The following DLC1 variants were observed in gnomAD, a reference collection of about 807,000 sequenced individuals.
DLC1 encodes the protein rho GTPase-activating protein 7.
In DLC1, 54 loss-of-function variants were observed where a neutral mutation model predicts 140.3. That is an observed-to-expected ratio of 0.38 (90% CI 0.31 to 0.48). DLC1 has a LOEUF of 0.48. DLC1 is among the 20% of genes least tolerant of loss of function. The pLI is 0.96. For missense variants in DLC1, 2,536 were observed against 1,907.0 expected (o/e 1.33, Z -6.14); for synonymous variants, 986 against 728.1 (o/e 1.35, Z -5.70).
intron 2 of DLC1, among the ~76,000 whole-genome samples, chr8:13,450,723 A>G (rs7818570): frequency 1.7e-3 from 256 of 152,274 alleles, no homozygotes; most frequent in African/African-American, 5.8e-3. Flanking sequence ...ATAGTTCTCC[A>G]AATCAAATTG....
At chr8:13,544,757 G>A (rs943704035) in intron 1 of DLC1, among the ~76,000 whole-genome samples, 1 of 152,166 alleles carries the variant, frequency 6.6e-6, no homozygotes. Context: ...TTACACAACT[G>A]TCCATTAAAA....
intron 1 of DLC1, among the ~76,000 whole-genome samples, chr8:13,573,735 C>G (rs1430737559): frequency 6.6e-6 from 1 of 152,170 alleles, no homozygotes; most frequent in Non-Finnish European, 1.5e-5. Context: ...TTAAATCCAA[C>G]ATTTGTGCTC....
chr8:13,185,122 C>CTTTTTTTTTTTTTTTTTTTTTTTTT (rs1193667992), intron 5 of DLC1, among the ~76,000 whole-genome samples: 1 of 84,568 alleles, frequency 1.2e-5, no homozygotes, highest in African/African-American at 5.2e-5. Flanking sequence ...GCAACCCCTG[C>CTTTTTTTTTTTTTTTTTTTTTTTTT]TTTTTTTTTT....
chr8:13,391,026 C>G (rs1836734891), intron 4 of DLC1, among the ~76,000 whole-genome samples: 1 of 145,882 alleles, frequency 6.9e-6, no homozygotes, highest in African/African-American at 2.5e-5. Context: ...GCCTGTTTTT[C>G]AAGTTACTCT....
intron 5 of DLC1, among the ~76,000 whole-genome samples, chr8:13,185,295 TG>T (rs1475700717): frequency 0.011 from 1,626 of 144,946 alleles, 27 homozygotes; most frequent in Non-Finnish European, 0.015. Context: ...TTTTTTTGTT[TG>T]TTTGTTTGTT....
intron 1 of DLC1, among the ~76,000 whole-genome samples, chr8:13,535,288 G>A (rs1803240227): frequency 6.6e-6 from 1 of 151,988 alleles, no homozygotes; most frequent in Non-Finnish European, 1.5e-5. Context: ...CAGGAAGGAA[G>A]GCCTCTATGA....
At chr8:13,559,808 C>G (rs1804178013) in intron 1 of DLC1, among the ~76,000 whole-genome samples, 1 of 152,170 alleles carries the variant, frequency 6.6e-6, no homozygotes, top group Non-Finnish European at 1.5e-5. Context: ...TATACATCAT[C>G]TGTGCTATGA....
chr8:13,118,815 G>A (rs1380755645), intron 5 of DLC1, among the ~76,000 whole-genome samples: 1 of 151,936 alleles, frequency 6.6e-6, no homozygotes. Context: ...AAAACTCTGG[G>A]TCTGTAAACA....
At chr8:13,299,992 T>G (rs141651676) in intron 5 of DLC1, among the ~76,000 whole-genome samples, 3 of 152,266 alleles carry the variant, frequency 2.0e-5, no homozygotes, top group Non-Finnish European at 2.9e-5. Flanking sequence ...CATATGTTCA[T>G]TGCAGCACTA....
chr8:13,433,688 TTGTCCTA>T (rs1332312239), intron 2 of DLC1, among the ~76,000 whole-genome samples: 2 of 152,220 alleles, frequency 1.3e-5, no homozygotes, highest in Non-Finnish European at 2.9e-5. Context: ...TCAGGTGTTT[TTGTCCTA>T]TAAATTTTGA....
At chr8:13,249,862 C>G (rs981581337) in intron 5 of DLC1, among the ~76,000 whole-genome samples, 2 of 152,204 alleles carry the variant, frequency 1.3e-5, no homozygotes, top group African/African-American at 4.8e-5. Flanking sequence ...TGACAAGTCT[C>G]CACCCAGGTT....
At chr8:13,406,273 C>G (rs1837558494) in intron 2 of DLC1, among the ~76,000 whole-genome samples, 1 of 150,930 alleles carries the variant, frequency 6.6e-6, no homozygotes, top group Admixed American at 6.6e-5. Context: ...CCACCTCAGC[C>G]TCCTGAAGTG....
Position 13,084,798 on chromosome 8 carries a change from C to T in DLC1, c.*1013G>A, listed in dbSNP as rs1817419911. 2 of 152,176 alleles carry T rather than the reference C, an allele frequency of 1.3e-5. No individual in the cohort carries two copies. The highest frequency in any genetic ancestry group is 2.9e-5 in the Non-Finnish European group (2 of 68,028). The allele number at this position is 152,176 out of a possible 1,614,324, so 9.4% of individuals were successfully genotyped here. A position where few individuals can be genotyped will look rare whatever the true frequency, so the allele number is the denominator to read the frequency against. ...TAAATTTACAGGGATTTCCTTGGGA[C>T]ACACATAGTTTCCTATATTCCCAAA... On this transcript the variant is annotated 3_prime_UTR_variant, in exon 18 of 18. Coordinates refer to ENST00000276297, the MANE Select transcript of DLC1 (RefSeq NM_182643.3).
chr8:13,249,887 A>T (rs545918061), intron 5 of DLC1, among the ~76,000 whole-genome samples: 1 of 152,228 alleles, frequency 6.6e-6, no homozygotes, highest in African/African-American at 2.4e-5. Flanking sequence ...CTTCCTTCAC[A>T]CACTTGCCCA....
At chr8:13,218,333 A>G (rs771350312) in intron 5 of DLC1, among the ~76,000 whole-genome samples, 11 of 152,222 alleles carry the variant, frequency 7.2e-5, no homozygotes, top group African/African-American at 2.4e-4. Context: ...GAATTTGGCA[A>G]TGCTGTCTTA....
chr8:13,530,073 A>G (rs1803047509), intron 1 of DLC1, among the ~76,000 whole-genome samples: 1 of 152,188 alleles, frequency 6.6e-6, no homozygotes, highest in Non-Finnish European at 1.5e-5. Context: ...CATCTGTGCA[A>G]GAGGGTCTGT....
intron 1 of DLC1, among the ~76,000 whole-genome samples, chr8:13,560,525 G>C (rs1266565425): frequency 6.6e-6 from 1 of 152,116 alleles, no homozygotes; most frequent in Non-Finnish European, 1.5e-5. Context: ...ATCACCAGCA[G>C]TTTTCATACT....
At chr8:13,138,080 G>C (rs1475313096) in intron 5 of DLC1, among the ~76,000 whole-genome samples, 1 of 152,154 alleles carries the variant, frequency 6.6e-6, no homozygotes, top group Non-Finnish European at 1.5e-5. Context: ...ATTGATATTA[G>C]TTATTATTGA....
rs190994586 is a variant in DLC1, at chr8:13,598,168, A to G, written c.-126+6369T>C. On this transcript the variant is annotated intron_variant, in intron 1 of 1. Transcript: ENST00000631382. ...AATTAAAATTATTAAAATGTAAAGTAAAAAAGATTTTTGAAGAGTATAAAA... is the reference window on the plus strand; with the variant it reads ...AATTAAAATTATTAAAATGTAAAGTGAAAAAGATTTTTGAAGAGTATAAAA... Among the ~76,000 whole-genome samples, 29 of 152,276 alleles carry G rather than the reference A, an allele frequency of 1.9e-4. No homozygotes were observed. The East Asian group carries it at 5.4e-3, about 28-fold the overall frequency.
Sources: allele counts gnomAD v4.1 joint callset (sites outside exome capture counted in the v4.1 genomes callset), GRCh38; gene constraint gnomAD v4.1.1; transcripts MANE v1.5; gene names NCBI Gene and HGNC (gene_info 2026-07-23, HGNC 2026-07-21).